SMOC1: variants seen among roughly 807,000 people sequenced by gnomAD.
SMOC1 encodes the protein SPARC-related modular calcium-binding protein 1.
Under a neutral mutation model 56.3 loss-of-function variants are expected in SMOC1, and 22 were observed. That is an observed-to-expected ratio of 0.39 (90% CI 0.28 to 0.56). The LOEUF is 0.56. Ranked by LOEUF, SMOC1 falls within the 20% of genes least tolerant of loss-of-function variation. SMOC1 has a pLI of 0.61. For missense variants in SMOC1, 509 were observed against 565.4 expected, an observed-to-expected ratio of 0.90 and a Z score of 1.01; for synonymous variants, 193 against 215.0, an observed-to-expected ratio of 0.90 and a Z score of 0.89.
At chr14:69,909,314 G>A (rs1884494777) in intron 1 of SMOC1, among the ~76,000 whole-genome samples, 1 of 152,256 alleles carries the variant, frequency 6.6e-6, no homozygotes, top group Admixed American at 6.5e-5. Flanking sequence ...GTGAAATATC[G>A]CCTTATGATC....
intron 1 of SMOC1, among the ~76,000 whole-genome samples, chr14:69,921,736 T>C (rs902424161): frequency 6.6e-6 from 1 of 152,226 alleles, no homozygotes; most frequent in Non-Finnish European, 1.5e-5. Context: ...GTGGTTTCAC[T>C]GCATCGTTCA....
At chr14:69,916,996 T>G (rs1884703871) in intron 1 of SMOC1, among the ~76,000 whole-genome samples, 2 of 152,242 alleles carry the variant, frequency 1.3e-5, no homozygotes, top group South Asian at 4.1e-4. Context: ...TGACCATGCA[T>G]TATAATACGG....
chr14:69,964,050 C>T (rs1159946298), intron 3 of SMOC1, among the ~76,000 whole-genome samples: 1 of 152,232 alleles, frequency 6.6e-6, no homozygotes, highest in Admixed American at 6.5e-5. Context: ...CTGTCCTGCT[C>T]TTCAATGGCT....
chr14:70,029,197 C>T (rs1318854400), intron 11 of SMOC1, among the ~76,000 whole-genome samples: 4 of 152,222 alleles, frequency 2.6e-5, no homozygotes, highest in Non-Finnish European at 4.4e-5. Flanking sequence ...AGGCCAGGAC[C>T]TGCTGGAGCA....
chr14:69,896,365 T>G (rs1483074477), intron 1 of SMOC1, among the ~76,000 whole-genome samples: 1 of 152,220 alleles, frequency 6.6e-6, no homozygotes, highest in African/African-American at 2.4e-5. Context: ...TGCCACTTTC[T>G]AGCTGTGTGT....
chr14:69,895,221 T>C (rs1028122313), intron 1 of SMOC1, among the ~76,000 whole-genome samples: 2 of 152,272 alleles, frequency 1.3e-5, no homozygotes, highest in Admixed American at 6.5e-5. Context: ...CCTTGCCACC[T>C]GACTATGCAT....
intron 1 of SMOC1, among the ~76,000 whole-genome samples, chr14:69,910,641 G>A (rs561074999): frequency 6.6e-6 from 1 of 151,472 alleles, no homozygotes; most frequent in South Asian, 2.1e-4. Context: ...ATTGCAATAA[G>A]CCTTGGATAC....
At chr14:69,974,175 A>G (rs1382024866) in intron 3 of SMOC1, among the ~76,000 whole-genome samples, 21 of 152,180 alleles carry the variant, frequency 1.4e-4, no homozygotes. Context: ...CCCTGAGGTC[A>G]CGATCTTGAG....
At chr14:70,015,058 C>T (rs751293671) in intron 10 of SMOC1, among the ~76,000 whole-genome samples, 9 of 152,146 alleles carry the variant, frequency 5.9e-5, no homozygotes, top group Non-Finnish European at 1.3e-4. Context: ...TGGAAACAAC[C>T]TCAATGCCCA....
chr14:69,889,028 A>G (rs1883888926), intron 1 of SMOC1, among the ~76,000 whole-genome samples: 1 of 152,234 alleles, frequency 6.6e-6, no homozygotes, highest in Non-Finnish European at 1.5e-5. Context: ...TGCACTGTCC[A>G]ATATTAGCCA....
chr14:69,930,084 A>G (rs78296916), intron 1 of SMOC1, among the ~76,000 whole-genome samples: 167 of 148,308 alleles, frequency 1.1e-3, no homozygotes, highest in Middle Eastern at 7.0e-3. Context: ...TGGAATCCAC[A>G]TGTGCTTCTG....
At chr14:70,013,028 G>A (rs190545824) in intron 9 of SMOC1, among the ~76,000 whole-genome samples, 66 of 152,246 alleles carry the variant, frequency 4.3e-4, no homozygotes, top group African/African-American at 1.5e-3. Flanking sequence ...ACTTTAGGAC[G>A]ACTGCTTGGC....
At chr14:69,917,249 T>C (rs1331584248) in intron 1 of SMOC1, among the ~76,000 whole-genome samples, 1 of 152,024 alleles carries the variant, frequency 6.6e-6, no homozygotes, top group Non-Finnish European at 1.5e-5. Flanking sequence ...GAAGGAAGGG[T>C]AGTAAGATAA....
intron 4 of SMOC1, 43 bp from the exon 5 acceptor site, chr14:69,977,875 T>G: frequency 3.8e-6 from 6 of 1,575,846 alleles, no homozygotes; most frequent in Non-Finnish European, 3.5e-6. Flanking sequence ...CCAACCACAA[T>G]GCATTCTGAG....
intron 7 of SMOC1, among the ~76,000 whole-genome samples, chr14:69,994,876 C>T (rs1448371383): frequency 6.6e-6 from 1 of 152,116 alleles, no homozygotes; most frequent in African/African-American, 2.4e-5. Context: ...CTTCTCTGGT[C>T]TGATCTTTTG....
intron 5 of SMOC1, among the ~76,000 whole-genome samples, chr14:69,983,401 G>C (rs931921749): frequency 6.6e-6 from 1 of 152,182 alleles, no homozygotes; most frequent in African/African-American, 2.4e-5. Context: ...ATAACAGTAC[G>C]AGTCCAGGCC....
intron 7 of SMOC1, among the ~76,000 whole-genome samples, chr14:70,003,409 C>T (rs1044392451): frequency 6.6e-6 from 1 of 152,148 alleles, no homozygotes; most frequent in South Asian, 2.1e-4. Context: ...TAGCATTTCC[C>T]AGGATGTGTC....
intron 7 of SMOC1, among the ~76,000 whole-genome samples, chr14:69,999,303 G>A (rs1884883749): frequency 1.3e-5 from 2 of 152,194 alleles, no homozygotes; most frequent in African/African-American, 4.8e-5. Context: ...TGAGGCAACT[G>A]CACCTCCTGG....
At chr14:69,965,111 C>T (rs539012465) in intron 3 of SMOC1, among the ~76,000 whole-genome samples, 6 of 152,192 alleles carry the variant, frequency 3.9e-5, no homozygotes, top group South Asian at 4.1e-4. Flanking sequence ...GGTGCAGTAG[C>T]GCACGCCTGT....
Sources: allele counts gnomAD v4.1 joint callset (sites outside exome capture counted in the v4.1 genomes callset), GRCh38; gene constraint gnomAD v4.1.1; transcripts MANE v1.5; gene names NCBI Gene and HGNC (gene_info 2026-07-23, HGNC 2026-07-21).